CELSR1: variants seen among roughly 807,000 people sequenced by gnomAD.
The protein encoded by CELSR1 is cadherin EGF LAG seven-pass G-type receptor 1.
In CELSR1, 110 loss-of-function variants were observed where a neutral mutation model predicts 249.1. The ratio of observed to expected loss-of-function variants is 0.44; its 90% CI spans 0.38 to 0.52. CELSR1 has a LOEUF of 0.52. Among genes scored for constraint, CELSR1 ranks in the 20% least tolerant of loss-of-function variants. The probability of loss-of-function intolerance (pLI) is 0.00; values close to 1 mark genes in which losing one functional copy is unlikely to be tolerated. For missense variants in CELSR1, 4,109 were observed against 4,296.4 expected, an observed-to-expected ratio of 0.96 and a Z score of 1.22; for synonymous variants, 2,113 against 1,900.0, an observed-to-expected ratio of 1.11 and a Z score of -2.92.
intron 5 of CELSR1, among the ~76,000 whole-genome samples, chr22:46,425,061 T>A (rs2079521914): frequency 6.6e-6 from 1 of 152,030 alleles, no homozygotes; most frequent in African/African-American, 2.4e-5. Flanking sequence ...CTCAGCAGAG[T>A]GAGAAGTTGT....
In CELSR1 at chr22:46,433,426, C is replaced by A; in HGVS notation, c.4578G>T (p.Arg1526=). The change falls in exon 5 of 35, where the codon CGG becomes CGT. Residue 1526 remains arginine, a synonymous_variant. Transcript: ENST00000674500. The surrounding 1 kb of genome is among the most constrained non-coding windows in gnomAD (Gnocchi z 5.7). The part of the protein sequence containing the change: ...PKVPSGVSDG[R]WHSVQVQYYN... Reference sequence around the variant, plus strand: ...AGTACTGCACCTGCACAGAGTGCCACCGCCCGTCACTCACACCACTGGGAA... The same window carrying A: ...AGTACTGCACCTGCACAGAGTGCCAACGCCCGTCACTCACACCACTGGGAA... 1 of 1,613,950 alleles carries A rather than the reference C, an allele frequency of 6.2e-7. No individual in the cohort carries two copies. The highest frequency in any genetic ancestry group is 8.5e-7 in the Non-Finnish European group (1 of 1,179,918).
At chr22:46,431,365 AGAT>A (rs1194514938) in intron 5 of CELSR1, among the ~76,000 whole-genome samples, 1 of 152,252 alleles carries the variant, frequency 6.6e-6, no homozygotes, top group Non-Finnish European at 1.5e-5. Flanking sequence ...TGCCATAGGC[AGAT>A]GATGATTCTG....
chr22:46,458,768 G>A (rs1341892800), intron 2 of CELSR1, among the ~76,000 whole-genome samples: 3 of 152,204 alleles, frequency 2.0e-5, no homozygotes, highest in African/African-American at 7.2e-5. Context: ...TGACAGAACT[G>A]GGATGACAAC....
intron 2 of CELSR1, among the ~76,000 whole-genome samples, chr22:46,463,469 T>C (rs535936282): frequency 6.6e-6 from 1 of 151,436 alleles, no homozygotes; most frequent in Non-Finnish European, 1.5e-5. Flanking sequence ...TGAGCGAAGA[T>C]TACGCCACTG....
rs567076264 is a variant in CELSR1, at chr22:46,395,916, A to G, written c.5843+689T>C. Among the ~76,000 whole-genome samples the G allele has an allele frequency of 3.3e-5, 5 of 152,140 alleles. No homozygotes were observed. The highest frequency in any genetic ancestry group is 2.1e-4 in the South Asian group (1 of 4,822). On this transcript the variant is annotated intron_variant, in intron 13 of 34. Coordinates refer to ENST00000674500, the MANE Select transcript of CELSR1 (RefSeq NM_001378328.1). This position sits in a 1 kb window ranked among gnomAD's most constrained non-coding sequence, Gnocchi z 5.5. ...GCACGCTGCTGCCTGTCCTAACCAC[A>G]CTAGGATCTCCGCACACATCAGAAA...
In CELSR1 at chr22:46,447,289, C is replaced by T. The variant is rs533775335; in HGVS notation, c.4184-7878G>A. On this transcript the variant is annotated intron_variant, in intron 2 of 34. Transcript: ENST00000674500. This position sits in a 1 kb window ranked among gnomAD's most constrained non-coding sequence, Gnocchi z 4.7. ...CTGTATCTTTTATTTTCTAATAGAG[C>T]TTTTATAAGACACACTATTTTCATA... Among the ~76,000 whole-genome samples the T allele has an allele frequency of 6.6e-6, 1 of 152,222 alleles. No individual in the cohort carries two copies. Among genetic ancestry groups the T allele is most frequent in the East Asian group, 1.9e-4 (1 of 5,162 alleles).
chr22:46,369,745 G>A lies in CELSR1; in HGVS notation c.7819C>T (p.Leu2607Phe), dbSNP rs1190037929. Residue 2607 changes from leucine (L) to phenylalanine (F), a missense_variant, in exon 26 of 35, where the codon CTT becomes TTT. Physicochemically the swap from Leu to Phe is conservative, Grantham distance 22. Around this residue, in one of 7 missense-constraint regions of CELSR1, gnomAD observed 1,805 missense variants for 1,831.6 expected, o/e 0.99. Transcript: ENST00000674500. The part of the protein sequence containing the change: ...YGNPDFCWLS[L>F]QDTLIWSFAG... The stretch of plus-strand genomic sequence containing the variant: ...AAGCTCCAAATCAGGGTGTCTTGAA[G>A]CGACAGCCAGCAGAAGTCGGGGTTC... 1 of 1,613,454 alleles carries A rather than the reference G, an allele frequency of 6.2e-7. No individual in the cohort carries two copies. The highest frequency in any genetic ancestry group is 2.2e-5 in the East Asian group (1 of 44,884).
rs6007911 is a variant in CELSR1 at position 46,439,140 on chromosome 22, C to T, written c.4406+49G>A. ...GGGATGGGGTGCACGGAGAAGCTCG[C>T]CCCTTTCCTAAAGAGACCCCCGTGT... On this transcript the variant is annotated intron_variant, in intron 3 of 34. Coordinates refer to ENST00000674500, the MANE Select transcript of CELSR1 (RefSeq NM_001378328.1). 0.028 allele frequency: 42,887 copies of T among 1,539,482 alleles called. 9,235 individuals carry two copies. In the African/African-American group the frequency reaches 0.49, roughly 18 times the overall value.
Position 46,410,362 on chromosome 22 carries a change from C to A in CELSR1, c.4933+36G>T. 2 of 1,599,520 alleles carry A rather than the reference C, an allele frequency of 1.3e-6. No individual in the cohort carries two copies. The highest frequency in any genetic ancestry group is 1.7e-6 in the Non-Finnish European group (2 of 1,169,040). ...GCTGCCGACGTCCAGCCAGATGCCACTGCGGCAGCTCCGACGCCCTGACGG... is the reference window on the plus strand; with the variant it reads ...GCTGCCGACGTCCAGCCAGATGCCAATGCGGCAGCTCCGACGCCCTGACGG... On this transcript the variant is annotated intron_variant, in intron 7 of 34. Transcript: ENST00000674500. This position sits in a 1 kb window ranked among gnomAD's most constrained non-coding sequence, Gnocchi z 6.8.
Position 46,447,618 on chromosome 22 carries a change from T to G in CELSR1, c.4184-8207A>C, listed in dbSNP as rs1170597290. On this transcript the variant is annotated intron_variant, in intron 2 of 34. Coordinates refer to ENST00000674500, the MANE Select transcript of CELSR1 (RefSeq NM_001378328.1). This position sits in a 1 kb window ranked among gnomAD's most constrained non-coding sequence, Gnocchi z 4.7. ...AGGAGGGACGCAGGGCTCAGCTTCCTGGCTATAGTACAGAAAAGCTTTTTA... is the reference window on the plus strand; with the variant it reads ...AGGAGGGACGCAGGGCTCAGCTTCCGGGCTATAGTACAGAAAAGCTTTTTA... Among the ~76,000 whole-genome samples, 1 of 152,204 alleles carries G rather than the reference T, an allele frequency of 6.6e-6. No individual in the cohort carries two copies. Among genetic ancestry groups the G allele is most frequent in the Non-Finnish European group, 1.5e-5 (1 of 68,034 alleles).
In CELSR1 at chr22:46,535,222, A is replaced by T; in HGVS notation, c.1949T>A (p.Val650Glu). Residue 650 changes from valine (V) to glutamate (E), a missense_variant, in exon 1 of 35, where the codon GTG becomes GAG. Transcript: ENST00000674500. ...CTCCACCCCGAAGCTGTAGTGCTCC[A>T]CCTCCTCGCGGTCCAGCTCGGCACA... Reference protein sequence around the residue: ...TVCAELDREEVEHYSFGVEAV... With the variant: ...TVCAELDREEEEHYSFGVEAV... 1 of 1,609,336 alleles carries T rather than the reference A, an allele frequency of 6.2e-7. No homozygotes were observed. The highest frequency in any genetic ancestry group is 8.5e-7 in the Non-Finnish European group (1 of 1,179,928).
At chr22:46,383,937 G>A (rs555187866) in intron 20 of CELSR1, among the ~76,000 whole-genome samples, 87 of 152,204 alleles carry the variant, frequency 5.7e-4, no homozygotes, top group African/African-American at 1.9e-3. Flanking sequence ...TCCCTCAGCT[G>A]AAATGCTTGG....
In CELSR1 at chr22:46,537,105, C is replaced by G. The variant is rs1415267458; in HGVS notation, c.66G>C (p.Pro22=). ...LLLLAAAAAL[P]AMGLRAAAWE... is the part of the protein sequence containing the mutation. ...AGGCGGCCGCTCGCAGCCCCATCGC[C>G]GGCAGGGCGGCGGCGGCGGCCAGGA... The change falls in exon 1 of 35, where the codon CCG becomes CCC. Residue 22 remains proline (P), a synonymous_variant. Transcript: ENST00000674500. The surrounding 1 kb of genome is among the most constrained non-coding windows in gnomAD (Gnocchi z 5.8). The G allele has an allele frequency of 1.9e-6, 2 of 1,039,062 alleles. No homozygotes were observed. Among genetic ancestry groups the G allele is most frequent in the Non-Finnish European group, 1.2e-6 (1 of 868,112 alleles). 64.4% of individuals were successfully genotyped at this position (1,039,062 alleles called of 1,614,324 possible).
In CELSR1 at chr22:46,401,129, G is replaced by C. The variant is rs1029109321; in HGVS notation, c.5227-1227C>G. Among the ~76,000 whole-genome samples, 5 of 152,052 alleles carry C rather than the reference G, an allele frequency of 3.3e-5. No individual in the cohort carries two copies. The highest frequency in any genetic ancestry group is 6.6e-5 in the Admixed American group (1 of 15,238). ...AAGTACTGGGACCCAGCTCGATTCAGGTAACTACTGGGCTCCTATTTTTGG... is the reference window on the plus strand; with the variant it reads ...AAGTACTGGGACCCAGCTCGATTCACGTAACTACTGGGCTCCTATTTTTGG... On this transcript the variant is annotated intron_variant, in intron 9 of 34. Coordinates refer to ENST00000674500, the MANE Select transcript of CELSR1 (RefSeq NM_001378328.1). This position sits in a 1 kb window ranked among gnomAD's most constrained non-coding sequence, Gnocchi z 4.7.
intron 25 of CELSR1, among the ~76,000 whole-genome samples, chr22:46,370,517 T>C (rs926546788): frequency 6.6e-6 from 1 of 152,014 alleles, no homozygotes; most frequent in Non-Finnish European, 1.5e-5. Context: ...CAGTTGTCAC[T>C]CCCAGCCACA....
Position 46,433,559 on chromosome 22 carries a change from G to C in CELSR1, c.4523-78C>G, listed in dbSNP as rs2079621984. On this transcript the variant is annotated intron_variant, in intron 4 of 34. Transcript: ENST00000674500. The surrounding 1 kb of genome is among the most constrained non-coding windows in gnomAD (Gnocchi z 5.7). ...TGGGGACCGAGGATTGCGCTGTGAG[G>C]CATCAGGGGGAGACAGGTGCACATG... 3 of 1,114,608 alleles carry C rather than the reference G, an allele frequency of 2.7e-6. No individual in the cohort carries two copies. The highest frequency in any genetic ancestry group is 2.0e-5 in the Admixed American group (1 of 49,806). 69.0% of individuals were successfully genotyped at this position (1,114,608 alleles called of 1,614,324 possible).
In CELSR1 at chr22:46,381,027, G is replaced by A; in HGVS notation, c.7089-72C>T. ...ATCTGCTTAAATCCCGCGCACAAAT[G>A]CCCTGAGGACACGCCATGATGTGTT... On this transcript the variant is annotated intron_variant, in intron 21 of 34. Coordinates refer to ENST00000674500, the MANE Select transcript of CELSR1 (RefSeq NM_001378328.1). The surrounding 1 kb of genome is among the most constrained non-coding windows in gnomAD (Gnocchi z 6.0). The A allele has an allele frequency of 6.7e-7, 1 of 1,485,500 alleles. No homozygotes were observed. Among genetic ancestry groups the A allele is most frequent in the Non-Finnish European group, 9.2e-7 (1 of 1,081,552 alleles). 92.0% of individuals were successfully genotyped at this position (1,485,500 alleles called of 1,614,324 possible).
chr22:46,460,983 C>A (rs554074283), intron 2 of CELSR1, among the ~76,000 whole-genome samples: 26 of 152,316 alleles, frequency 1.7e-4, no homozygotes, highest in African/African-American at 6.0e-4. Context: ...ACACAAGAAG[C>A]CAGGGGCTTT....
Position 46,384,703 on chromosome 22 carries a change from T to A in CELSR1, c.6740-17A>T. ...CAGCAAGAACTGGGGGGACAGTTCC[T>A]TTAATCAGACATAACTCCCAGGGCT... On this transcript the variant is annotated splice_polypyrimidine_tract_variant and intron_variant, in intron 19 of 34. Coordinates refer to ENST00000674500, the MANE Select transcript of CELSR1 (RefSeq NM_001378328.1). The A allele has an allele frequency of 6.2e-7, 1 of 1,606,912 alleles. No homozygotes were observed.
Sources: gnomAD v4.1 joint callset for allele counts (sites outside exome capture counted in the v4.1 genomes callset) on GRCh38, gnomAD v4.1.1 for gene constraint, gnomAD v4.1.1 regional missense constraint, Gnocchi (gnomAD v3.1) non-coding constraint, MANE v1.5 for transcripts, NCBI Gene and HGNC (gene_info 2026-07-23, HGNC 2026-07-21) for gene names.